Variants in STARD9 observed in about 807,000 individuals in gnomAD.
The protein encoded by STARD9 is StAR related lipid transfer domain containing 9, also known as stAR-related lipid transfer protein 9.
Under a neutral mutation model 399.8 loss-of-function variants are expected in STARD9, and 346 were observed. The observed-to-expected ratio is 0.87, with a 90% CI of 0.79 to 0.95. The LOEUF (loss-of-function observed/expected upper bound fraction) is 0.95, where lower values mean the gene tolerates loss of function less well. Ranked by LOEUF, STARD9 falls within the 40% of genes least tolerant of loss-of-function variation. The pLI, the probability that STARD9 is intolerant of heterozygous loss-of-function variation, is 0.00. For missense variants in STARD9, 5,832 were observed against 5,667.5 expected, an observed-to-expected ratio of 1.03 and a Z score of -0.93; for synonymous variants, 2,203 against 2,143.5, an observed-to-expected ratio of 1.03 and a Z score of -0.77.
intron 9 of STARD9, among the ~76,000 whole-genome samples, chr15:42,653,544 A>G (rs1566906497): frequency 6.6e-6 from 1 of 152,208 alleles, no homozygotes; most frequent in Non-Finnish European, 1.5e-5. Flanking sequence ...AGTGACTTAT[A>G]CAGTAGAACA....
chr15:42,583,168 G>T (rs949223553), intron 1 of STARD9, among the ~76,000 whole-genome samples, 178 bp from the exon 2 acceptor site: 5 of 152,200 alleles, frequency 3.3e-5, no homozygotes, highest in Admixed American at 2.0e-4. Context: ...TAAAGATCCA[G>T]GGAAGCATGC....
At chr15:42,641,461 A>G (rs1046331802) in intron 7 of STARD9, among the ~76,000 whole-genome samples, 4 of 151,892 alleles carry the variant, frequency 2.6e-5, no homozygotes, top group Non-Finnish European at 5.9e-5. Flanking sequence ...GGTGTGCTGC[A>G]CCCATTAACT....
chr15:42,649,840 G>T (rs1242421207), intron 7 of STARD9, among the ~76,000 whole-genome samples: 1 of 150,666 alleles, frequency 6.6e-6, no homozygotes, highest in African/African-American at 2.4e-5. Flanking sequence ...TGGGATTACA[G>T]GCATGAGGCA....
intron 7 of STARD9, among the ~76,000 whole-genome samples, chr15:42,642,195 C>T (rs1378122655): frequency 6.6e-6 from 1 of 152,122 alleles, no homozygotes; most frequent in Admixed American, 6.6e-5. Context: ...TACAAGATGC[C>T]TATACTATTC....
At position 42,693,801 on chromosome 15, in the gene STARD9, C is replaced by T. The variant is rs35842593; in HGVS notation, c.12223C>T (p.Arg4075Ter). ...SPGEPQRTLD[R>*]PSSWGGLQHL... ...AGGGGAACCACAACGCACTCTGGACCGACCTTCTTCATGGGGAGGCCTCCA... is the reference window on the plus strand; with the variant it reads ...AGGGGAACCACAACGCACTCTGGACTGACCTTCTTCATGGGGAGGCCTCCA... The change falls in exon 23 of 33, where the codon CGA (arginine) becomes TGA (stop). Residue 4075 changes from arginine to a stop codon, truncating the protein, a stop_gained. Transcript: ENST00000290607. LOFTEE classifies it high-confidence loss of function. The T allele has an allele frequency of 1.0e-5, 16 of 1,536,098 alleles. No individual in the cohort carries two copies. Among genetic ancestry groups the T allele is most frequent in the East Asian group, 2.4e-5 (1 of 40,908 alleles).
In STARD9 at chr15:42,674,546, A is replaced by G. The variant is rs548138107; in HGVS notation, c.1549+55A>G. On this transcript the variant is annotated intron_variant, in intron 17 of 32. Transcript: ENST00000290607. ...TTTGGGGCTAGTATTTGTGCCCGAA[A>G]GGTTTCTTCGAGGACTTTGATGATG... 4.0e-5 allele frequency: 60 copies of G among 1,487,866 alleles called. No homozygotes were observed. The African/African-American group carries it at 7.4e-4, about 18-fold the overall frequency. The allele number at this position is 1,487,866 out of a possible 1,614,324, so 92.2% of individuals were successfully genotyped here.
chr15:42,691,418 A>AC lies in STARD9; in HGVS notation c.9842dup (p.Gln3282AlafsTer75). 2.0e-6 allele frequency: 3 copies of AC among 1,537,178 alleles called. No homozygotes were observed. Among genetic ancestry groups the AC allele is most frequent in the Non-Finnish European group, 2.6e-6 (3 of 1,146,894 alleles). On this transcript the variant is annotated frameshift_variant, in exon 23 of 33. Coordinates refer to ENST00000290607, the MANE Select transcript of STARD9 (RefSeq NM_020759.3). LOFTEE classifies it high-confidence loss of function. ...CTGTGTCCTTGAGGCAAAATGAAAC[A>AC]CCGCAGCCTGCTGCTCAGAGGAGTG... is the stretch of plus-strand genomic sequence containing the variant.
chr15:42,640,560 G>A (rs1295794557), intron 7 of STARD9, among the ~76,000 whole-genome samples: 1 of 151,804 alleles, frequency 6.6e-6, no homozygotes, highest in Non-Finnish European at 1.5e-5. Flanking sequence ...AGTGGCTCAC[G>A]CCTGTGATCC....
intron 3 of STARD9, among the ~76,000 whole-genome samples, chr15:42,594,084 TGA>T (rs2058457672): frequency 6.6e-6 from 1 of 151,432 alleles, no homozygotes; most frequent in Admixed American, 6.6e-5. Flanking sequence ...CAAGTGAGAG[TGA>T]GAGAGACAGA....
chr15:42,647,023 T>C (rs1218664154), intron 7 of STARD9, among the ~76,000 whole-genome samples: 1 of 152,204 alleles, frequency 6.6e-6, no homozygotes, highest in African/African-American at 2.4e-5. Context: ...TAAGTTCGCT[T>C]TTCTATACGA....
intron 3 of STARD9, among the ~76,000 whole-genome samples, chr15:42,603,519 C>T (rs2058670037): frequency 6.6e-6 from 1 of 152,094 alleles, no homozygotes; most frequent in South Asian, 2.1e-4. Flanking sequence ...CCTGCTGCCC[C>T]ATAGAGCCAA....
In STARD9 at chr15:42,692,108, G is replaced by A; in HGVS notation, c.10530G>A (p.Arg3510=). ...PQGLTLSNVA[R]CSSMDNGLED... ...GGCTGACACTATCAAATGTGGCCCG[G>A]TGCTCCAGCATGGACAATGGCCTAG... The change falls in exon 23 of 33, where the codon CGG becomes CGA. Residue 3510 remains arginine, a synonymous_variant. Transcript: ENST00000290607. The A allele has an allele frequency of 6.5e-7, 1 of 1,537,136 alleles. No individual in the cohort carries two copies. Among genetic ancestry groups the A allele is most frequent in the East Asian group, 2.4e-5 (1 of 40,916 alleles).
rs1377767612 is a variant in STARD9 at position 42,669,164 on chromosome 15, C to G, written c.1324C>G (p.Gln442Glu). The G allele has an allele frequency of 3.9e-6, 6 of 1,532,530 alleles. No homozygotes were observed. Among genetic ancestry groups the G allele is most frequent in the South Asian group, 1.2e-5 (1 of 83,868 alleles). The allele number at this position is 1,532,530 out of a possible 1,614,324, so 94.9% of individuals were successfully genotyped here. A position where few individuals can be genotyped will look rare whatever the true frequency, so the allele number is the denominator to read the frequency against. The change falls in exon 16 of 33, where the codon CAG (glutamine) becomes GAG (glutamate). Residue 442 changes from glutamine (Q) to glutamate (E), a missense_variant. Gln to Glu is a conservative substitution (Grantham distance 29). This residue lies in a region of STARD9 where 5,828 missense variants were observed against 5,651.1 expected (regional missense o/e 1.03). Coordinates refer to ENST00000290607, the MANE Select transcript of STARD9 (RefSeq NM_020759.3). ...ACCTCCTATACCTCTGCAGATAGAC[C>G]AGCTGACTAAAGACTGGACCCAGAA... ...LVLQNELKID[Q>E]LTKDWTQKWN...
At chr15:42,712,204 GTTAT>G (rs2061256783) in intron 26 of STARD9, among the ~76,000 whole-genome samples, 1 of 135,858 alleles carries the variant, frequency 7.4e-6, no homozygotes, top group Non-Finnish European at 1.5e-5. Context: ...TTAAGATTCG[GTTAT>G]TTGTCTTTTT....
intron 3 of STARD9, among the ~76,000 whole-genome samples, chr15:42,607,312 C>T (rs967887054): frequency 7.0e-6 from 1 of 142,538 alleles, no homozygotes; most frequent in African/African-American, 2.5e-5. Flanking sequence ...AAGCAATTCT[C>T]CTGCCTCATT....
intron 20 of STARD9, among the ~76,000 whole-genome samples, chr15:42,680,444 A>T (rs1413972212): frequency 6.6e-6 from 1 of 152,060 alleles, no homozygotes; most frequent in East Asian, 1.9e-4. Flanking sequence ...TACTAAAAAT[A>T]CAAAAATTAG....
intron 3 of STARD9, among the ~76,000 whole-genome samples, chr15:42,625,904 GTTA>G (rs938624666): frequency 1.3e-5 from 2 of 151,890 alleles, no homozygotes; most frequent in East Asian, 1.9e-4. Flanking sequence ...TGAAGAAAGA[GTTA>G]TTATTATTAT....
At chr15:42,587,180 A>G (rs182282422) in intron 3 of STARD9, among the ~76,000 whole-genome samples, 2 of 152,306 alleles carry the variant, frequency 1.3e-5, no homozygotes, top group East Asian at 3.9e-4. Context: ...AATTATGTCA[A>G]AGGAACAACA....
At chr15:42,698,041 C>T (rs1449997243) in intron 26 of STARD9, among the ~76,000 whole-genome samples, 2 of 152,128 alleles carry the variant, frequency 1.3e-5, no homozygotes, top group Non-Finnish European at 2.9e-5. Flanking sequence ...ATATTTTTTT[C>T]ACTCAGTATA....
Sources: allele counts gnomAD v4.1 joint callset (sites outside exome capture counted in the v4.1 genomes callset), GRCh38; gene constraint gnomAD v4.1.1; regional missense constraint gnomAD v4.1.1; transcripts MANE v1.5; gene names NCBI Gene and HGNC (gene_info 2026-07-23, HGNC 2026-07-21).